VWA8: variants seen among roughly 807,000 people sequenced by gnomAD.
VWA8 encodes the protein von Willebrand factor A domain-containing protein 8.
A neutral mutation model predicts 241.5 loss-of-function variants in VWA8; 221 were observed. The ratio of observed to expected loss-of-function variants is 0.91; its 90% CI spans 0.82 to 1.02. VWA8 has a LOEUF of 1.02. VWA8 is among the 50% of genes least tolerant of loss of function. VWA8 has a pLI of 0.00. For synonymous variants in VWA8, 852 were observed against 827.1 expected (o/e 1.03, Z -0.52); for missense variants, 2,322 against 2,328.7 (o/e 1.00, Z 0.06).
intron 9 of VWA8, among the ~76,000 whole-genome samples, chr13:41,877,826 G>C: frequency 6.6e-6 from 1 of 152,104 alleles, no homozygotes; most frequent in East Asian, 1.9e-4. Context: ...TTCAGAATGA[G>C]AGGGTTTTCT....
intron 4 of VWA8, among the ~76,000 whole-genome samples, chr13:41,898,844 G>A (rs1254148005): frequency 2.0e-5 from 3 of 152,154 alleles, no homozygotes; most frequent in African/African-American, 4.8e-5. Flanking sequence ...CTCATTGCCC[G>A]GGGCCTGCAG....
chr13:41,728,446 G>A (rs192644457), intron 23 of VWA8, among the ~76,000 whole-genome samples: 90 of 152,156 alleles, frequency 5.9e-4, no homozygotes, highest in African/African-American at 2.1e-3. Context: ...TCATATTTGA[G>A]TGTAAAATTA....
intron 17 of VWA8, among the ~76,000 whole-genome samples, chr13:41,805,407 C>T (rs1045216159): frequency 2.0e-5 from 3 of 151,988 alleles, no homozygotes; most frequent in African/African-American, 7.3e-5. Flanking sequence ...ACTAGAGCAC[C>T]CAAATATATA....
intron 37 of VWA8, among the ~76,000 whole-genome samples, chr13:41,632,906 A>C (rs988971896): frequency 2.6e-5 from 4 of 152,184 alleles, no homozygotes; most frequent in African/African-American, 9.7e-5. Context: ...TAACATAAGG[A>C]AAGGCCACAG....
chr13:41,724,964 ATTG>A (rs2090343898), intron 24 of VWA8, among the ~76,000 whole-genome samples: 1 of 152,146 alleles, frequency 6.6e-6, no homozygotes, highest in Non-Finnish European at 1.5e-5. Context: ...CTTGAGGCCC[ATTG>A]TTAAGAATCT....
chr13:41,690,819 G>A (rs897013688), intron 32 of VWA8, among the ~76,000 whole-genome samples: 3 of 152,056 alleles, frequency 2.0e-5, no homozygotes, highest in East Asian at 3.9e-4. Flanking sequence ...GCTCAAAGTC[G>A]ACACCGCCTT....
intron 31 of VWA8, 147 bp from the exon 32 acceptor site, chr13:41,691,592 AAC>A: frequency 8.4e-7 from 1 of 1,185,502 alleles, no homozygotes; most frequent in African/African-American, 1.6e-5. Flanking sequence ...TAATTAAAAA[AAC>A]AGATATGCAA....
chr13:41,768,948 C>G (rs9590642), intron 20 of VWA8, among the ~76,000 whole-genome samples: 103,462 of 149,558 alleles, frequency 0.69, 37,641 homozygotes, highest in South Asian at 0.83. Context: ...CTACTGCCCA[C>G]GCTGGAGTTA....
intron 17 of VWA8, among the ~76,000 whole-genome samples, chr13:41,790,093 A>G (rs1422970429): frequency 6.6e-6 from 1 of 152,170 alleles, no homozygotes; most frequent in African/African-American, 2.4e-5. Flanking sequence ...GATGGTTAAT[A>G]TCTGCTAGAC....
chr13:41,939,210 G>A (rs948407820), intron 2 of VWA8, among the ~76,000 whole-genome samples: 1 of 152,148 alleles, frequency 6.6e-6, no homozygotes, highest in East Asian at 1.9e-4. Context: ...GTTATCTATT[G>A]AAAACTTGCT....
At chr13:41,905,864 T>C (rs547675510) in intron 4 of VWA8, among the ~76,000 whole-genome samples, 2 of 152,234 alleles carry the variant, frequency 1.3e-5, no homozygotes, top group East Asian at 3.9e-4. Flanking sequence ...TTCTGTTGTA[T>C]GAGTTGGTTA....
At chr13:41,897,761 T>C (rs1875187861) in intron 4 of VWA8, among the ~76,000 whole-genome samples, 1 of 152,120 alleles carries the variant, frequency 6.6e-6, no homozygotes, top group African/African-American at 2.4e-5. Flanking sequence ...ATAAAAGCAG[T>C]GTGGACCCAA....
rs895292913 is a variant in VWA8, at chr13:41,912,109, G to C, written c.301C>G (p.Leu101Val). 3 of 1,610,074 alleles carry C rather than the reference G, an allele frequency of 1.9e-6. No homozygotes were observed. The African/African-American group carries it at 4.0e-5, about 22-fold the overall frequency. Residue 101 changes from leucine to valine, a missense_variant, in exon 3 of 45, where the codon CTT (leucine) becomes GTT (valine). Physicochemically the swap from Leu to Val is conservative, Grantham distance 32. Transcript: ENST00000379310. Reference sequence around the variant, plus strand: ...ATTAGAAAAACATCTTGCCCCAAAAGATCCTTCTGCATTATCCATCTTAGA... The same window carrying C: ...ATTAGAAAAACATCTTGCCCCAAAACATCCTTCTGCATTATCCATCTTAGA... ...QHLRWIMQKD[L>V]LGQDVFLIGP... is the part of the protein sequence containing the mutation.
intron 12 of VWA8, among the ~76,000 whole-genome samples, chr13:41,856,896 C>T (rs950903194): frequency 6.6e-6 from 1 of 151,348 alleles, no homozygotes; most frequent in African/African-American, 2.4e-5. Context: ...AATAGCATCT[C>T]CCAATTCAAT....
At chr13:41,685,974 G>T (rs985567347) in intron 34 of VWA8, among the ~76,000 whole-genome samples, 1 of 152,096 alleles carries the variant, frequency 6.6e-6, no homozygotes, top group Non-Finnish European at 1.5e-5. Flanking sequence ...ATCTTTCATA[G>T]TGAAGTCCTT....
intron 18 of VWA8, 43 bp downstream of exon 18, chr13:41,787,394 A>C: frequency 1.4e-6 from 2 of 1,441,048 alleles, no homozygotes; most frequent in Non-Finnish European, 1.9e-6. Flanking sequence ...ATGTTTGTTA[A>C]TTATTATTTC....
chr13:41,610,525 C>T lies in VWA8; in HGVS notation c.4877+1051G>A, dbSNP rs557835586. ...TCGAGGGTCTGAGCTGGCAGGCTTT[C>T]CTGAGGGTGTGGCGGCAGGGCCTGC... On this transcript the variant is annotated intron_variant, in intron 39 of 44. Transcript: ENST00000379310. 3.9e-5 allele frequency among the ~76,000 whole-genome samples: 6 copies of T among 151,984 alleles called. No homozygotes were observed. In the South Asian group the frequency reaches 1.2e-3, roughly 32 times the overall value.
intron 21 of VWA8, among the ~76,000 whole-genome samples, chr13:41,747,769 C>T (rs181876922): frequency 6.6e-6 from 1 of 152,210 alleles, no homozygotes; most frequent in Admixed American, 6.5e-5. Context: ...TGAGATACGT[C>T]CCATCAATAC....
intron 4 of VWA8, among the ~76,000 whole-genome samples, chr13:41,900,447 GC>G (rs1368116168): frequency 6.6e-6 from 1 of 151,982 alleles, no homozygotes; most frequent in African/African-American, 2.4e-5. Context: ...GATCCTTCTG[GC>G]CCAGCCATCT....
Sources: allele counts gnomAD v4.1 joint callset (sites outside exome capture counted in the v4.1 genomes callset), GRCh38; gene constraint gnomAD v4.1.1; transcripts MANE v1.5; gene names NCBI Gene and HGNC (gene_info 2026-07-23, HGNC 2026-07-21).